The following CAMKMT variants were observed in gnomAD, a reference collection of about 807,000 sequenced individuals.
CAMKMT encodes CaM KMT.
CAMKMT carries 53 observed loss-of-function variants against 48.0 expected under a neutral mutation model. The observed-to-expected ratio is 1.10, with a 90% confidence interval of 0.89 to 1.39. CAMKMT has a LOEUF of 1.39. CAMKMT is among the 40% of genes most tolerant of loss of function. The probability of loss-of-function intolerance (pLI) is 0.00; values close to 1 mark genes in which losing one functional copy is unlikely to be tolerated. For synonymous variants in CAMKMT, 165 were observed against 152.3 expected (o/e 1.08, Z -0.61); for missense variants, 428 against 402.7 (o/e 1.06, Z -0.54).
chr2:44,547,924 C>T (rs1005480688), intron 3 of CAMKMT, among the ~76,000 whole-genome samples: 1 of 152,190 alleles, frequency 6.6e-6, no homozygotes, highest in African/African-American at 2.4e-5. Context: ...GAGTGTCCCT[C>T]CTGCAGTACT....
At chr2:44,374,146 A>G (rs908927519) in intron 2 of CAMKMT, among the ~76,000 whole-genome samples, 2 of 148,624 alleles carry the variant, frequency 1.3e-5, no homozygotes, top group African/African-American at 5.0e-5. Flanking sequence ...AAAAAAAATC[A>G]AAGTAAAGAA....
At chr2:44,565,075 T>C (rs1162374320) in intron 3 of CAMKMT, among the ~76,000 whole-genome samples, 1 of 152,198 alleles carries the variant, frequency 6.6e-6, no homozygotes, top group Non-Finnish European at 1.5e-5. Context: ...GGTTGAGGGT[T>C]CTTCGGAGAA....
At chr2:44,465,443 C>G (rs1172471822) in intron 3 of CAMKMT, among the ~76,000 whole-genome samples, 1 of 151,680 alleles carries the variant, frequency 6.6e-6, no homozygotes, top group African/African-American at 2.4e-5. Context: ...ACTAAAAATA[C>G]AAAAATTAGC....
chr2:44,446,850 A>G (rs947253138), intron 3 of CAMKMT, among the ~76,000 whole-genome samples: 2 of 152,166 alleles, frequency 1.3e-5, no homozygotes, highest in Non-Finnish European at 2.9e-5. Flanking sequence ...TCATACCCAC[A>G]AGATTTGGCC....
At chr2:44,631,512 C>A in intron 3 of CAMKMT, 1 of 621,330 alleles carries the variant, frequency 1.6e-6, no homozygotes, top group Non-Finnish European at 2.9e-6. Context: ...CTTTATTGCC[C>A]ATGTTGGTCT....
At position 44,427,990 on chromosome 2, in the gene CAMKMT, C is replaced by G. The variant is rs546960153; in HGVS notation, c.376+37685C>G. Among the ~76,000 whole-genome samples the G allele has an allele frequency of 9.2e-5, 14 of 152,312 alleles. No individual in the cohort carries two copies. The East Asian group carries it at 1.5e-3, about 17-fold the overall frequency. On this transcript the variant is annotated intron_variant, in intron 3 of 10. Coordinates refer to ENST00000378494, the MANE Select transcript of CAMKMT (RefSeq NM_024766.5). ...CTGGCAGGAACAAACCTGCAGCAGCCTCTAGGGGTTGCCCACAACCTCTGG... is the reference window on the plus strand; with the variant it reads ...CTGGCAGGAACAAACCTGCAGCAGCGTCTAGGGGTTGCCCACAACCTCTGG...
chr2:44,570,304 G>A (rs985234240), intron 3 of CAMKMT, among the ~76,000 whole-genome samples: 7 of 152,060 alleles, frequency 4.6e-5, no homozygotes, highest in African/African-American at 9.7e-5. Context: ...TGTGCCAAAC[G>A]GAGACATACA....
chr2:44,554,841 C>G (rs1406983827), intron 3 of CAMKMT, among the ~76,000 whole-genome samples: 4 of 152,120 alleles, frequency 2.6e-5, no homozygotes, highest in Non-Finnish European at 5.9e-5. Context: ...ATACCCTGCA[C>G]TCCGGCCCGA....
intron 7 of CAMKMT, among the ~76,000 whole-genome samples, chr2:44,739,581 A>G (rs1177086029): frequency 6.6e-6 from 1 of 152,226 alleles, no homozygotes; most frequent in African/African-American, 2.4e-5. Flanking sequence ...ATATGAATCT[A>G]GAGTTCATGG....
chr2:44,644,880 T>C (rs1188068376), intron 3 of CAMKMT, among the ~76,000 whole-genome samples: 1 of 152,308 alleles, frequency 6.6e-6, no homozygotes, highest in East Asian at 1.9e-4. Context: ...TTTTTTTAAT[T>C]GTATGTGGTA....
intron 8 of CAMKMT, among the ~76,000 whole-genome samples, chr2:44,753,755 C>G (rs1305541832): frequency 2.0e-5 from 3 of 152,210 alleles, no homozygotes; most frequent in Non-Finnish European, 4.4e-5. Flanking sequence ...TGCTTCATCT[C>G]AACCAGATGG....
intron 4 of CAMKMT, among the ~76,000 whole-genome samples, chr2:44,704,681 C>CAAA (rs1325192887): frequency 0.01 from 844 of 81,282 alleles, 10 homozygotes; most frequent in African/African-American, 0.034. Flanking sequence ...TTGTGAAGGT[C>CAAA]AAAAAAAAAA....
chr2:44,395,997 T>C (rs574889019), intron 3 of CAMKMT, among the ~76,000 whole-genome samples: 1 of 152,236 alleles, frequency 6.6e-6, no homozygotes, highest in Admixed American at 6.5e-5. Flanking sequence ...TAACATATGA[T>C]GAAGATACAA....
chr2:44,494,432 C>T (rs199974214), intron 3 of CAMKMT, among the ~76,000 whole-genome samples: 12 of 152,106 alleles, frequency 7.9e-5, no homozygotes, highest in Admixed American at 2.6e-4. Flanking sequence ...CCTCTGTTTA[C>T]GTACAAAAAT....
intron 3 of CAMKMT, among the ~76,000 whole-genome samples, chr2:44,418,416 G>A (rs1181512337): frequency 6.6e-6 from 1 of 151,790 alleles, no homozygotes; most frequent in Non-Finnish European, 1.5e-5. Context: ...TGAGGTAGAA[G>A]TTAAGGTTCT....
At chr2:44,419,172 G>C (rs1683763649) in intron 3 of CAMKMT, among the ~76,000 whole-genome samples, 1 of 152,196 alleles carries the variant, frequency 6.6e-6, no homozygotes, top group Non-Finnish European at 1.5e-5. Flanking sequence ...TACTTTTCCA[G>C]ATTCCGTCGC....
intron 3 of CAMKMT, among the ~76,000 whole-genome samples, chr2:44,542,496 T>C (rs200998359): frequency 7.4e-4 from 99 of 133,960 alleles, no homozygotes; most frequent in South Asian, 1.5e-3. Context: ...CACATACACA[T>C]ACACACACAC....
At chr2:44,770,062 C>T (rs1681040385) in intron 10 of CAMKMT, among the ~76,000 whole-genome samples, 1 of 152,190 alleles carries the variant, frequency 6.6e-6, no homozygotes, top group Non-Finnish European at 1.5e-5. Context: ...GCTTTTTCTT[C>T]ATTTTCTTTC....
chr2:44,440,666 A>C (rs1394115346), intron 3 of CAMKMT, among the ~76,000 whole-genome samples: 1 of 152,178 alleles, frequency 6.6e-6, no homozygotes, highest in Non-Finnish European at 1.5e-5. Flanking sequence ...ACATGTGGCT[A>C]CTATATTGGA....
Sources: gnomAD v4.1 joint callset for allele counts (sites outside exome capture counted in the v4.1 genomes callset) on GRCh38, gnomAD v4.1.1 for gene constraint, MANE v1.5 for transcripts, NCBI Gene and HGNC (gene_info 2026-07-23, HGNC 2026-07-21) for gene names.